CNOT1: variants seen among roughly 807,000 people sequenced by gnomAD.
CNOT1 encodes CCR4-NOT transcription complex subunit 1.
Under a neutral mutation model 273.8 loss-of-function variants are expected in CNOT1, and 15 were observed. The ratio of observed to expected loss-of-function variants is 0.05; its 90% CI spans 0.04 to 0.08. CNOT1 has a LOEUF of 0.08. Ranked by LOEUF, CNOT1 falls within the 10% of genes least tolerant of loss-of-function variation. The probability of loss-of-function intolerance (pLI) is 1.00; values close to 1 mark genes in which losing one functional copy is unlikely to be tolerated. For synonymous variants in CNOT1, 1,022 were observed against 1,005.5 expected, an observed-to-expected ratio of 1.02 and a Z score of -0.31; for missense variants, 1,644 against 2,912.2, an observed-to-expected ratio of 0.56 and a Z score of 10.02.
intron 2 of CNOT1, among the ~76,000 whole-genome samples, chr16:58,596,904 A>C (rs1389726839): frequency 6.0e-5 from 9 of 150,480 alleles, no homozygotes; most frequent in South Asian, 2.1e-4. Context: ...AAAAAAAAAA[A>C]AAAAAAAAAA....
chr16:58,577,845 C>CAAAA (rs34127478), intron 13 of CNOT1, among the ~76,000 whole-genome samples: 1 of 106,410 alleles, frequency 9.4e-6, no homozygotes, highest in Non-Finnish European at 1.9e-5. Flanking sequence ...TCCTCTCTCT[C>CAAAA]AAAAAAAAAA....
At chr16:58,593,871 T>C (rs532119391) in intron 2 of CNOT1, among the ~76,000 whole-genome samples, 3 of 152,338 alleles carry the variant, frequency 2.0e-5, no homozygotes, top group Middle Eastern at 3.4e-3. Flanking sequence ...TAGTAGAATA[T>C]TATTTAGCCA....
rs1459747091 is a variant in CNOT1, at chr16:58,551,769, G to C, written c.3021C>G (p.Gly1007=). 2 of 1,614,060 alleles carry C rather than the reference G, an allele frequency of 1.2e-6. No individual in the cohort carries two copies. Among genetic ancestry groups the C allele is most frequent in the African/African-American group, 2.7e-5 (2 of 74,916 alleles). ...QSRDPPVKMQ[G]SITTPGSIAL... ...CAATACTTCCAGGGGTTGTGATAGAGCCTTGCATTTTCACAGGAGGATCTC... is the reference window on the plus strand; with the variant it reads ...CAATACTTCCAGGGGTTGTGATAGACCCTTGCATTTTCACAGGAGGATCTC... Residue 1007 remains glycine (G), a synonymous_variant, in exon 23 of 49, where the codon GGC becomes GGG. Transcript: ENST00000317147.
chr16:58,592,377 A>G (rs2042093127), intron 2 of CNOT1, among the ~76,000 whole-genome samples: 1 of 152,228 alleles, frequency 6.6e-6, no homozygotes, highest in Non-Finnish European at 1.5e-5. Context: ...CGGTATTAAA[A>G]ATACTGAGTG....
In CNOT1 at chr16:58,547,085, G is replaced by T; in HGVS notation, c.3750+101C>A. The T allele has an allele frequency of 6.9e-7, 1 of 1,444,898 alleles. No individual in the cohort carries two copies. The highest frequency in any genetic ancestry group is 9.2e-7 in the Non-Finnish European group (1 of 1,082,416). The allele number at this position is 1,444,898 out of a possible 1,614,324, so 89.5% of individuals were successfully genotyped here. On this transcript the variant is annotated intron_variant, in intron 27 of 48. Transcript: ENST00000317147. This position sits in a 1 kb window ranked among gnomAD's most constrained non-coding sequence, Gnocchi z 4.0. ...CCATAGAGGAAAACAGACTTAACTA[G>T]CTTTACCTCACAAGAACTAAGAATA...
At chr16:58,562,308 G>A (rs866687975) in intron 16 of CNOT1, among the ~76,000 whole-genome samples, 10 of 151,480 alleles carry the variant, frequency 6.6e-5, no homozygotes, top group Middle Eastern at 3.5e-3. Flanking sequence ...TTCGAGACCA[G>A]CCTGTGAACA....
rs1445094636 is a variant in CNOT1, at chr16:58,555,823, T to C, written c.2565A>G (p.Ile855Met). The C allele has an allele frequency of 6.2e-7, 1 of 1,614,072 alleles. No individual in the cohort carries two copies. Among genetic ancestry groups the C allele is most frequent in the East Asian group, 2.2e-5 (1 of 44,880 alleles). Residue 855 changes from isoleucine (I) to methionine (M), a missense_variant, in exon 20 of 49, where the codon ATA becomes ATG. Physicochemically the swap from Ile to Met is conservative, Grantham distance 10 (BLOSUM62 1). Around this residue, in one of 13 missense-constraint regions of CNOT1, gnomAD observed 74 missense variants for 184.6 expected, o/e 0.40. Transcript: ENST00000317147. The stretch of plus-strand genomic sequence containing the variant: ...TGGTTGGATGTGGTGGATGATTATA[T>C]ATTCGCTGGAAATAGCTGTTTGCTT... ...DDEANSYFQR[I>M]YNHPPHPTMS...
chr16:58,623,919 G>A (rs1053250239), intron 1 of CNOT1, among the ~76,000 whole-genome samples: 10 of 152,020 alleles, frequency 6.6e-5, no homozygotes, highest in African/African-American at 1.4e-4. Flanking sequence ...GAACCAGAGC[G>A]ATAGAGGTTG....
Position 58,534,198 on chromosome 16 carries a change from T to C in CNOT1, c.5844A>G (p.Lys1948=), listed in dbSNP as rs367673851. 13 of 1,614,116 alleles carry C rather than the reference T, an allele frequency of 8.1e-6. No individual in the cohort carries two copies. The African/African-American group carries it at 1.6e-4, about 20-fold the overall frequency. ...AFVRLIALLV[K]HSGEATNTVT... is the part of the protein sequence containing the mutation. ...CAGTGTTGGTGGCCTCCCCTGAGTG[T>C]TTCACGAGCAGTGCAATGAGTCGAA... The change falls in exon 40 of 49, where the codon AAA becomes AAG. Residue 1948 remains lysine, a synonymous_variant. Transcript: ENST00000317147.
At position 58,601,734 on chromosome 16, in the gene CNOT1, T is replaced by TAAA. The variant is rs66711143; in HGVS notation, c.-174-2226_-174-2224dup. On this transcript the variant is annotated intron_variant, in intron 1 of 48. Transcript: ENST00000317147. The stretch of plus-strand genomic sequence containing the variant: ...ATATGCTAGTGCTCCATACCCACCT[T>TAAA]AAAAAAAAAAAAAAAAAAAAGCCTG... Among the ~76,000 whole-genome samples the TAAA allele has an allele frequency of 1.4e-4, 13 of 91,510 alleles. 1 individual carries two copies. Among genetic ancestry groups the TAAA allele is most frequent in the East Asian group, 7.9e-4 (3 of 3,776 alleles). 60.0% of individuals were successfully genotyped at this position (91,510 alleles called of 152,430 possible).
intron 1 of CNOT1, among the ~76,000 whole-genome samples, chr16:58,607,721 CA>C (rs71385179): frequency 0.18 from 12,048 of 67,412 alleles, 787 homozygotes; most frequent in South Asian, 0.4. Flanking sequence ...CAGCAAAACT[CA>C]AAAAAAAAAA....
chr16:58,573,392 C>T (rs2041347908), intron 16 of CNOT1, among the ~76,000 whole-genome samples: 1 of 151,210 alleles, frequency 6.6e-6, no homozygotes, highest in South Asian at 2.1e-4. Context: ...ATTAAAAAGA[C>T]AATGTTATTA....
chr16:58,542,710 G>C, intron 31 of CNOT1, 142 bp from the exon 32 acceptor site: 1 of 1,293,926 alleles, frequency 7.7e-7, no homozygotes, highest in Non-Finnish European at 1.0e-6. Context: ...AACAAGCTGT[G>C]ATCTTGAAAC....
intron 2 of CNOT1, chr16:58,597,837 G>A (rs532929012): frequency 7.4e-6 from 3 of 404,112 alleles, no homozygotes; most frequent in South Asian, 4.2e-5. Context: ...TCGAGCCCCA[G>A]GACCATGACC....
At chr16:58,548,579 T>C (rs2040338724) in intron 25 of CNOT1, 5 of 519,132 alleles carry the variant, frequency 9.6e-6, no homozygotes, top group Non-Finnish European at 1.5e-5. Flanking sequence ...TCTTTTGCAC[T>C]ACAGCGTAAC....
chr16:58,555,685 T>C, intron 20 of CNOT1, 99 bp downstream of exon 20: 14 of 1,574,278 alleles, frequency 8.9e-6, no homozygotes, highest in East Asian at 2.2e-5. Context: ...CAAACCGCTA[T>C]ATCAGGGCAC....
chr16:58,566,758 C>T (rs1214554434), intron 16 of CNOT1, among the ~76,000 whole-genome samples: 1 of 152,098 alleles, frequency 6.6e-6, no homozygotes, highest in Non-Finnish European at 1.5e-5. Context: ...CTCTGCCTCC[C>T]GAGTAGCTGG....
At chr16:58,597,896 C>T (rs1046519301) in intron 2 of CNOT1, 15 of 269,758 alleles carry the variant, frequency 5.6e-5, no homozygotes, top group African/African-American at 3.2e-4. Flanking sequence ...AGCTGCACTG[C>T]TGGCTTCCAA....
intron 1 of CNOT1, among the ~76,000 whole-genome samples, chr16:58,627,304 G>A (rs547232533): frequency 6.7e-6 from 1 of 149,130 alleles, no homozygotes; most frequent in East Asian, 2.0e-4. Context: ...TACTCGAGGG[G>A]CTGAGGCAGA....
Sources: gnomAD v4.1 joint callset for allele counts (sites outside exome capture counted in the v4.1 genomes callset) on GRCh38, gnomAD v4.1.1 for gene constraint, gnomAD v4.1.1 regional missense constraint, Gnocchi (gnomAD v3.1) non-coding constraint, MANE v1.5 for transcripts, NCBI Gene and HGNC (gene_info 2026-07-23, HGNC 2026-07-21) for gene names.